The following SBF2 variants were observed in gnomAD, a reference collection of about 807,000 sequenced individuals.
SBF2 encodes SET binding factor 2, also known as myotubularin-related protein 13.
A neutral mutation model predicts 225.2 loss-of-function variants in SBF2; 112 were observed. The observed-to-expected ratio is 0.50, with a 90% CI of 0.43 to 0.58. The LOEUF is 0.58. SBF2 is among the 20% of genes least tolerant of loss of function. The pLI, the probability that SBF2 is intolerant of heterozygous loss-of-function variation, is 0.00. For missense variants in SBF2, 1,996 were observed against 2,206.2 expected (o/e 0.90, Z 1.91); for synonymous variants, 763 against 773.3 (o/e 0.99, Z 0.22).
intron 1 of SBF2, among the ~76,000 whole-genome samples, chr11:10,208,062 A>T (rs1312947258): frequency 6.6e-6 from 1 of 152,134 alleles, no homozygotes. Flanking sequence ...TTTGAAAAGA[A>T]TACTACATTG....
chr11:10,301,964 A>G (rs969712646), intron 1 of SBF2, among the ~76,000 whole-genome samples: 2 of 152,240 alleles, frequency 1.3e-5, no homozygotes, highest in African/African-American at 4.8e-5. Flanking sequence ...CAAAAAAAGT[A>G]GATCTTCATT....
At chr11:9,826,083 A>G (rs11042502) in intron 28 of SBF2, among the ~76,000 whole-genome samples, 45,377 of 152,076 alleles carry the variant, frequency 0.3, 7,725 homozygotes, top group African/African-American at 0.47. Context: ...CAGGGTCCAA[A>G]GGTCTAAAAT....
intron 2 of SBF2, among the ~76,000 whole-genome samples, chr11:10,157,216 C>T (rs1044729542): frequency 2.0e-5 from 3 of 152,090 alleles, no homozygotes; most frequent in Admixed American, 6.5e-5. Context: ...GCTAGCCTTA[C>T]GCAGATTATT....
Position 9,992,454 on chromosome 11 carries a change from T to A in SBF2, c.1257A>T (p.Glu419Asp). Residue 419 changes from glutamate to aspartate, a missense_variant, in exon 12 of 40, where the codon GAA becomes GAT. Physicochemically the swap from Glu to Asp is conservative, Grantham distance 45. Transcript: ENST00000256190. Reference sequence around the variant, plus strand: ...CACAAGATCTATAAGGAGGACCTCTTTCTGAAACAAAACCTGCAAATGCCA... The same window carrying A: ...CACAAGATCTATAAGGAGGACCTCTATCTGAAACAAAACCTGCAAATGCCA... ...SGMAFAGFVS[E>D]RGPPYRSCDL... 1 of 1,613,366 alleles carries A rather than the reference T, an allele frequency of 6.2e-7. No homozygotes were observed. The highest frequency in any genetic ancestry group is 1.1e-5 in the South Asian group (1 of 91,020).
intron 1 of SBF2, among the ~76,000 whole-genome samples, chr11:10,271,196 CTTT>C (rs35931698): frequency 1.2e-5 from 1 of 81,070 alleles, no homozygotes; most frequent in Admixed American, 1.2e-4. Flanking sequence ...AATCTTGATT[CTTT>C]TTTTTTTTTT....
At chr11:10,225,693 T>C (rs557475174) in intron 1 of SBF2, among the ~76,000 whole-genome samples, 1 of 152,284 alleles carries the variant, frequency 6.6e-6, no homozygotes, top group Admixed American at 6.5e-5. Flanking sequence ...GTCATGAAAG[T>C]TCTTAAAATA....
chr11:10,125,033 G>A (rs1043407295), intron 2 of SBF2, among the ~76,000 whole-genome samples: 4 of 151,262 alleles, frequency 2.6e-5, no homozygotes, highest in Non-Finnish European at 2.9e-5. Context: ...GCTTGAACCC[G>A]GGAGGCGGAG....
rs573284772 is a variant in SBF2 at position 9,779,787 on chromosome 11, A to G, written c.*631T>C. 4.5e-4 allele frequency: 74 copies of G among 164,778 alleles called. No homozygotes were observed. Among genetic ancestry groups the G allele is most frequent in the Middle Eastern group, 3.4e-3 (1 of 296 alleles). The allele number at this position is 164,778 out of a possible 1,614,324, so 10.2% of individuals were successfully genotyped here. ...CCTGCATTGGGCTGGTCATTGTTGT[A>G]CCATTCCCTGGATAATCTTTTTCCA... On this transcript the variant is annotated 3_prime_UTR_variant, in exon 40 of 40. Coordinates refer to ENST00000256190, the MANE Select transcript of SBF2 (RefSeq NM_030962.4).
At chr11:9,947,190 C>T (rs1170229023) in intron 16 of SBF2, among the ~76,000 whole-genome samples, 1 of 152,082 alleles carries the variant, frequency 6.6e-6, no homozygotes, top group African/African-American at 2.4e-5. Context: ...TAGTTACTGC[C>T]ATAAAATATT....
At chr11:10,081,273 C>T (rs1314061599) in intron 2 of SBF2, among the ~76,000 whole-genome samples, 2 of 152,240 alleles carry the variant, frequency 1.3e-5, no homozygotes, top group East Asian at 3.9e-4. Context: ...CCAAGAGGAA[C>T]TTTCAAAACC....
intron 34 of SBF2, among the ~76,000 whole-genome samples, chr11:9,789,797 G>A (rs1435488100): frequency 6.6e-6 from 1 of 152,244 alleles, no homozygotes; most frequent in Non-Finnish European, 1.5e-5. Context: ...TTTGGGCCTT[G>A]GGGTCCATGC....
At position 9,945,055 on chromosome 11, in the gene SBF2, T is replaced by G. The variant is rs1208729996; in HGVS notation, c.1860+16902A>C. On this transcript the variant is annotated intron_variant, in intron 16 of 39. Coordinates refer to ENST00000256190, the MANE Select transcript of SBF2 (RefSeq NM_030962.4). ...AGGAGGTTGAGGATGCAGTGGGCCA[T>G]GATTGCACCACTGCACTCCAGCCTG... 2.0e-5 allele frequency among the ~76,000 whole-genome samples: 3 copies of G among 152,096 alleles called. No individual in the cohort carries two copies. In the South Asian group the frequency reaches 6.2e-4, roughly 31 times the overall value.
At chr11:10,254,327 G>A (rs1446694814) in intron 1 of SBF2, among the ~76,000 whole-genome samples, 7 of 151,528 alleles carry the variant, frequency 4.6e-5, no homozygotes, top group South Asian at 2.1e-4. Flanking sequence ...TCAGGAGGTC[G>A]AGACTGCAGT....
rs554894842 is a variant in SBF2, at chr11:9,881,120, T to A, written c.1929+14823A>T. Among the ~76,000 whole-genome samples, 8 of 152,274 alleles carry A rather than the reference T, an allele frequency of 5.3e-5. No homozygotes were observed. The South Asian group carries it at 1.5e-3, about 28-fold the overall frequency. ...TGCCCTTTTATAGCATAAAAAGGCA[T>A]TTTTGGATATAGAATCTCATTTCTT... On this transcript the variant is annotated intron_variant, in intron 17 of 39. Transcript: ENST00000256190.
At chr11:10,129,909 C>A (rs1298919574) in intron 2 of SBF2, among the ~76,000 whole-genome samples, 1 of 152,020 alleles carries the variant, frequency 6.6e-6, no homozygotes, top group Non-Finnish European at 1.5e-5. Flanking sequence ...ACTTGGGAAG[C>A]TGAGGTGGGA....
At chr11:9,852,371 T>C (rs988657799) in intron 21 of SBF2, among the ~76,000 whole-genome samples, 1 of 152,132 alleles carries the variant, frequency 6.6e-6, no homozygotes, top group Non-Finnish European at 1.5e-5. Context: ...ATAGGCACAG[T>C]ATAAAATCTT....
chr11:9,965,693 T>C lies in SBF2; in HGVS notation c.1601-1811A>G, dbSNP rs777083531. ...CAGCTTCCCCCTATGGTGACATCTTTCATAATTATGCTTTATTAGGATCAG... is the reference window on the plus strand; with the variant it reads ...CAGCTTCCCCCTATGGTGACATCTTCCATAATTATGCTTTATTAGGATCAG... On this transcript the variant is annotated intron_variant, in intron 14 of 39. Coordinates refer to ENST00000256190, the MANE Select transcript of SBF2 (RefSeq NM_030962.4). Among the ~76,000 whole-genome samples the C allele has an allele frequency of 3.1e-4, 47 of 152,370 alleles. No homozygotes were observed. In the Middle Eastern group the frequency reaches 0.01, roughly 33 times the overall value.
chr11:10,069,738 G>A (rs998161346), intron 2 of SBF2, among the ~76,000 whole-genome samples: 6 of 152,206 alleles, frequency 3.9e-5, no homozygotes, highest in African/African-American at 1.4e-4. Flanking sequence ...TCACCAAACT[G>A]TCTTCCACAA....
At chr11:9,816,549 C>CT (rs1009950136) in intron 29 of SBF2, among the ~76,000 whole-genome samples, 1 of 151,566 alleles carries the variant, frequency 6.6e-6, no homozygotes, top group African/African-American at 2.4e-5. Context: ...AGCCTTATTC[C>CT]TTTTTTTTGT....
Sources: gnomAD v4.1 joint callset for allele counts (sites outside exome capture counted in the v4.1 genomes callset) on GRCh38, gnomAD v4.1.1 for gene constraint, MANE v1.5 for transcripts, NCBI Gene and HGNC (gene_info 2026-07-23, HGNC 2026-07-21) for gene names.